PPP6R1: variants seen among roughly 807,000 people sequenced by gnomAD.
PPP6R1 encodes the protein protein phosphatase 6 regulatory subunit 1, also known as serine/threonine-protein phosphatase 6 regulatory subunit 1.
In PPP6R1, 39 loss-of-function variants were observed where a neutral mutation model predicts 104.6. The ratio of observed to expected loss-of-function variants is 0.37; its 90% CI spans 0.29 to 0.49. The LOEUF (loss-of-function observed/expected upper bound fraction) is 0.49, where lower values mean the gene tolerates loss of function less well. PPP6R1 is among the 20% of genes least tolerant of loss of function. The probability of loss-of-function intolerance (pLI) is 0.98; values close to 1 mark genes in which losing one functional copy is unlikely to be tolerated. For missense variants in PPP6R1, 1,181 were observed against 1,155.8 expected, an observed-to-expected ratio of 1.02 and a Z score of -0.32; for synonymous variants, 549 against 479.0, an observed-to-expected ratio of 1.15 and a Z score of -1.91.
At position 55,231,816 on chromosome 19, in the gene PPP6R1, G is replaced by A. The variant is rs140071531; in HGVS notation, c.2292C>T (p.Asp764=). 300 of 1,501,176 alleles carry A rather than the reference G, an allele frequency of 2.0e-4. 1 individual carries two copies. In the South Asian group the frequency reaches 2.7e-3, roughly 13 times the overall value. 93.0% of individuals were successfully genotyped at this position (1,501,176 alleles called of 1,614,324 possible). ...CCGGTTCTCACCTGAGCTGCAGGGC[G>A]TCACGGGCAGGAGGGCTGGCCAGGC... ...TQSLASPPAR[D]ALQLRSQDPT... The change falls in exon 19 of 24, where the codon GAC becomes GAT. Residue 764 remains aspartate (D), a synonymous_variant. Transcript: ENST00000412770.
rs2087400959 is a variant in PPP6R1, at chr19:55,236,624, A to C, written c.1988+19T>G. 1.3e-6 allele frequency: 2 copies of C among 1,507,590 alleles called. No homozygotes were observed. Among genetic ancestry groups the C allele is most frequent in the Admixed American group, 4.7e-5 (2 of 42,800 alleles). The allele number at this position is 1,507,590 out of a possible 1,614,324, so 93.4% of individuals were successfully genotyped here. ...CGTGTGGTGGAAGCTTGGAGAAGGGAAACTGGAGGGGGACTCACCGGACAC... is the reference window on the plus strand; with the variant it reads ...CGTGTGGTGGAAGCTTGGAGAAGGGCAACTGGAGGGGGACTCACCGGACAC... On this transcript the variant is annotated intron_variant, in intron 17 of 23. Coordinates refer to ENST00000412770, the MANE Select transcript of PPP6R1 (RefSeq NM_014931.4).
At chr19:55,246,446 T>C (rs562147014) in intron 2 of PPP6R1, among the ~76,000 whole-genome samples, 5 of 149,146 alleles carry the variant, frequency 3.4e-5, no homozygotes, top group East Asian at 2.0e-4. Context: ...CTTTTCAGCA[T>C]CGCTTGGATT....
intron 5 of PPP6R1, among the ~76,000 whole-genome samples, chr19:55,243,201 T>C (rs2087474746): frequency 6.6e-6 from 1 of 151,386 alleles, no homozygotes; most frequent in Non-Finnish European, 1.5e-5. Flanking sequence ...GATCACGAGG[T>C]CAGGAGTTTG....
intron 1 of PPP6R1, among the ~76,000 whole-genome samples, chr19:55,255,069 T>C (rs2087582600): frequency 6.6e-6 from 1 of 152,192 alleles, no homozygotes; most frequent in African/African-American, 2.4e-5. Context: ...GCTAGGGCTT[T>C]CCTGTGGCTT....
Position 55,241,645 on chromosome 19 carries a change from G to A in PPP6R1, c.846-6C>T, listed in dbSNP as rs776329434. 6.4e-7 allele frequency: 1 copy of A among 1,567,754 alleles called. No individual in the cohort carries two copies. Among genetic ancestry groups the A allele is most frequent in the Non-Finnish European group, 8.6e-7 (1 of 1,157,722 alleles). On this transcript the variant is annotated splice_region_variant and splice_polypyrimidine_tract_variant and intron_variant, in intron 7 of 23. Transcript: ENST00000412770. The surrounding 1 kb of genome is among the most constrained non-coding windows in gnomAD (Gnocchi z 5.4). Reference sequence around the variant, plus strand: ...TCACGGTCACGGACTCGGACCTGCAGCAGGGCAGGGTCGAAGGCGGAGTGA... The same window carrying A: ...TCACGGTCACGGACTCGGACCTGCAACAGGGCAGGGTCGAAGGCGGAGTGA...
At chr19:55,250,601 T>C (rs1440919193) in intron 1 of PPP6R1, among the ~76,000 whole-genome samples, 1 of 152,150 alleles carries the variant, frequency 6.6e-6, no homozygotes. Flanking sequence ...TGCTAGTGCT[T>C]ACTCAACAGA....
In PPP6R1 at chr19:55,230,221, ACTCT is replaced by A; in HGVS notation, c.*303_*306del. ...GCCGCCAGCCCAGTTCGGTGTCCTCACTCTCTCTCGCTCTCCTCCCTCTCTCTAT... is the reference window on the plus strand; with the variant it reads ...GCCGCCAGCCCAGTTCGGTGTCCTCACTCTCGCTCTCCTCCCTCTCTCTAT... On this transcript the variant is annotated 3_prime_UTR_variant, in exon 24 of 24. Transcript: ENST00000412770. 7.6e-6 allele frequency: 3 copies of A among 396,394 alleles called. No homozygotes were observed. The highest frequency in any genetic ancestry group is 1.4e-5 in the Non-Finnish European group (3 of 218,488). The allele number at this position is 396,394 out of a possible 1,614,324, so 24.6% of individuals were successfully genotyped here. A position where few individuals can be genotyped will look rare whatever the true frequency, so the allele number is the denominator to read the frequency against.
At chr19:55,237,548 G>A (rs796685720) in intron 15 of PPP6R1, among the ~76,000 whole-genome samples, 2 of 152,302 alleles carry the variant, frequency 1.3e-5, no homozygotes, top group South Asian at 2.1e-4. Flanking sequence ...TCTGTCCCAC[G>A]TGTTACGGAC....
chr19:55,239,840 T>C lies in PPP6R1; in HGVS notation c.1549A>G (p.Asn517Asp). 2 of 1,613,824 alleles carry C rather than the reference T, an allele frequency of 1.2e-6. No individual in the cohort carries two copies. The highest frequency in any genetic ancestry group is 2.2e-5 in the East Asian group (1 of 44,850). The change falls in exon 13 of 24, where the codon AAC becomes GAC. Residue 517 changes from asparagine (N) to aspartate (D), a missense_variant. Asn to Asp is a conservative substitution (Grantham distance 23). This residue lies in a region of PPP6R1 where 1,042 missense variants were observed against 955.6 expected (regional missense o/e 1.09). Coordinates refer to ENST00000412770, the MANE Select transcript of PPP6R1 (RefSeq NM_014931.4). The part of the protein sequence containing the change: ...SGPLAETNKK[N>D]MVDLVNTHHL... Reference sequence around the variant, plus strand: ...CTGGGCCTCACCAGGTCCACCATGTTCTTCTTGTTGGTCTCCGCCAGGGGC... The same window carrying C: ...CTGGGCCTCACCAGGTCCACCATGTCCTTCTTGTTGGTCTCCGCCAGGGGC...
chr19:55,231,367 A>C, intron 21 of PPP6R1, 43 bp downstream of exon 21: 4 of 1,534,412 alleles, frequency 2.6e-6, no homozygotes, highest in Non-Finnish European at 3.5e-6. Context: ...GAAGAGGAGA[A>C]AAGACTTCTC....
At chr19:55,258,398 C>T (rs2087611689) in intron 1 of PPP6R1, 37 bp downstream of exon 1, 1 of 151,874 alleles carries the variant, frequency 6.6e-6, no homozygotes, top group African/African-American at 2.4e-5. Context: ...GGCGCCTGGC[C>T]CTGGAGAGAG....
At chr19:55,228,755 C>T (rs761883357), downstream of PPP6R1, 26 of 1,612,600 alleles carry the variant, frequency 1.6e-5, no homozygotes, top group Non-Finnish European at 1.6e-5. Flanking sequence ...GGCCTGATAG[C>T]CCCAGAGCGA....
At chr19:55,252,190 C>T (rs540361434) in intron 1 of PPP6R1, among the ~76,000 whole-genome samples, 41 of 152,286 alleles carry the variant, frequency 2.7e-4, no homozygotes, top group African/African-American at 7.7e-4. Context: ...GTTTCCACAA[C>T]GTTGTGAATA....
At chr19:55,253,187 T>C (rs1390089528) in intron 1 of PPP6R1, among the ~76,000 whole-genome samples, 1 of 152,236 alleles carries the variant, frequency 6.6e-6, no homozygotes, top group Admixed American at 6.5e-5. Context: ...GACACTTGTC[T>C]CGGCTCCACA....
In PPP6R1 at chr19:55,245,609, A is replaced by G. The variant is rs1882437409; in HGVS notation, c.297T>C (p.Asp99=). ...VPQINDALGA[D]ESLLNRLYGF... is the part of the protein sequence containing the mutation. ...CGTAGAGCCGGTTCAGAAGGGACTC[A>G]TCAGCACCCAGGGCATCATTGATCT... Residue 99 remains aspartate (D), a synonymous_variant, in exon 3 of 24, where the codon GAT becomes GAC. Transcript: ENST00000412770. This position sits in a 1 kb window ranked among gnomAD's most constrained non-coding sequence, Gnocchi z 6.4. 1 of 1,612,416 alleles carries G rather than the reference A, an allele frequency of 6.2e-7. No individual in the cohort carries two copies. The highest frequency in any genetic ancestry group is 8.5e-7 in the Non-Finnish European group (1 of 1,179,758).
chr19:55,238,671 T>C (rs1014486160), intron 15 of PPP6R1: 1 of 152,090 alleles, frequency 6.6e-6, no homozygotes, highest in African/African-American at 2.4e-5. Flanking sequence ...ATTTTTGTAT[T>C]TTTTAGTAGA....
intron 18 of PPP6R1, 31 bp from the exon 19 acceptor site, chr19:55,232,013 G>A: frequency 1.9e-6 from 3 of 1,609,106 alleles, no homozygotes; most frequent in Non-Finnish European, 1.7e-6. Flanking sequence ...CGGGATGGAG[G>A]GTGAACTCAG....
intron 5 of PPP6R1, 83 bp from the exon 6 acceptor site, chr19:55,242,571 C>T: frequency 8.3e-7 from 1 of 1,209,058 alleles, no homozygotes; most frequent in South Asian, 1.2e-5. Context: ...CTCCCATGAG[C>T]TGACCATCCA....
In PPP6R1 at chr19:55,245,339, A is replaced by C; in HGVS notation, c.478T>G (p.Ser160Ala). Residue 160 changes from serine (S) to alanine (A), a missense_variant, in exon 4 of 24, where the codon TCG becomes GCG. Ser to Ala is a moderately conservative substitution (Grantham distance 99). This residue lies in a region of PPP6R1 where 1,042 missense variants were observed against 955.6 expected (regional missense o/e 1.09). Transcript: ENST00000412770. The surrounding 1 kb of genome is among the most constrained non-coding windows in gnomAD (Gnocchi z 6.4). ...CGCAGCAGGAGGTCCATGATGGCCG[A>C]GGTGCCAATGTGCTGCAGCAGCAGG... Reference protein sequence around the residue: ...VDLLLQHIGTSAIMDLLLRLL... With the variant: ...VDLLLQHIGTAAIMDLLLRLL... 1 of 1,611,818 alleles carries C rather than the reference A, an allele frequency of 6.2e-7. No homozygotes were observed. The highest frequency in any genetic ancestry group is 8.5e-7 in the Non-Finnish European group (1 of 1,179,116).
Sources: gnomAD v4.1 joint callset for allele counts (sites outside exome capture counted in the v4.1 genomes callset) on GRCh38, gnomAD v4.1.1 for gene constraint, gnomAD v4.1.1 regional missense constraint, Gnocchi (gnomAD v3.1) non-coding constraint, MANE v1.5 for transcripts, NCBI Gene and HGNC (gene_info 2026-07-23, HGNC 2026-07-21) for gene names.